The following PACRG variants were observed in gnomAD, a reference collection of about 807,000 sequenced individuals.
The protein encoded by PACRG is parkin coregulated.
A neutral mutation model predicts 29.7 loss-of-function variants in PACRG; 29 were observed. The ratio of observed to expected loss-of-function variants is 0.98; its 90% CI spans 0.73 to 1.33. The LOEUF is 1.33. Ranked by LOEUF, PACRG falls within the 40% of genes most tolerant of loss-of-function variation. The pLI is 0.00. For synonymous variants in PACRG, 116 were observed against 118.7 expected (o/e 0.98, Z 0.15); for missense variants, 279 against 316.2 (o/e 0.88, Z 0.89).
At chr6:162,884,163 A>T (rs1794139218) in intron 2 of PACRG, among the ~76,000 whole-genome samples, 1 of 151,994 alleles carries the variant, frequency 6.6e-6, no homozygotes, top group African/African-American at 2.4e-5. Context: ...TGTCCTTGAA[A>T]TCCTGGGCTC....
intron 2 of PACRG, among the ~76,000 whole-genome samples, chr6:162,877,510 A>G (rs1245689437): frequency 6.6e-6 from 1 of 152,084 alleles, no homozygotes; most frequent in Admixed American, 6.6e-5. Flanking sequence ...GGTGCAGCAA[A>G]CCACCATGAC....
At chr6:162,796,098 T>TAA (rs1322373840) in intron 1 of PACRG, among the ~76,000 whole-genome samples, 15 of 152,168 alleles carry the variant, frequency 9.9e-5, no homozygotes, top group African/African-American at 3.6e-4. Context: ...GTGCCTCCAA[T>TAA]AAGAATATTT....
At chr6:162,740,706 T>C (rs1208274516) in intron 1 of PACRG, among the ~76,000 whole-genome samples, 1 of 151,646 alleles carries the variant, frequency 6.6e-6, no homozygotes, top group East Asian at 1.9e-4. Flanking sequence ...TTCAAGTGAT[T>C]CTCCTGCCTC....
At chr6:163,051,654 G>C (rs532225957) in intron 2 of PACRG, 1 of 152,036 alleles carries the variant, frequency 6.6e-6, no homozygotes, top group Non-Finnish European at 1.5e-5. Flanking sequence ...GGTTGTATGC[G>C]GGAGTCTCGG....
intron 1 of PACRG, 58 bp downstream of exon 1, chr6:162,728,449 C>A: frequency 6.3e-7 from 1 of 1,582,476 alleles, no homozygotes; most frequent in South Asian, 1.1e-5. Context: ...ACGAGATTTA[C>A]AGAGGTTGGC....
intron 1 of PACRG, among the ~76,000 whole-genome samples, chr6:162,804,961 T>G (rs7768133): frequency 0.95 from 143,989 of 152,330 alleles, 68,130 homozygotes; most frequent in East Asian, 1. Flanking sequence ...AGACTATGTG[T>G]TGTAGCCTAT....
At chr6:162,875,103 T>A (rs1793193383) in intron 2 of PACRG, among the ~76,000 whole-genome samples, 1 of 151,958 alleles carries the variant, frequency 6.6e-6, no homozygotes, top group African/African-American at 2.4e-5. Context: ...TCACACACAT[T>A]TGCACACTCA....
chr6:163,279,067 C>A (rs1784145100), intron 4 of PACRG, among the ~76,000 whole-genome samples: 2 of 152,064 alleles, frequency 1.3e-5, no homozygotes, highest in Admixed American at 1.3e-4. Flanking sequence ...TAGGTGTATT[C>A]CTAAGTATTT....
rs184289691 is a variant in PACRG at position 163,114,019 on chromosome 6, G to A, written c.613+24611G>A. Reference sequence around the variant, plus strand: ...GATCCCAACACTTTGGGAGGCCGAGGTGGGCAGATTATTTGAGGCCAGGAG... The same window carrying A: ...GATCCCAACACTTTGGGAGGCCGAGATGGGCAGATTATTTGAGGCCAGGAG... On this transcript the variant is annotated intron_variant, in intron 4 of 4. Transcript: ENST00000366888. Among the ~76,000 whole-genome samples the A allele has an allele frequency of 2.4e-3, 360 of 152,314 alleles. 2 individuals carry two copies. Among genetic ancestry groups the A allele is most frequent in the Non-Finnish European group, 4.0e-3 (275 of 68,032 alleles).
chr6:162,852,005 G>A (rs74860408), intron 2 of PACRG, among the ~76,000 whole-genome samples: 29,061 of 115,214 alleles, frequency 0.25, 3,741 homozygotes, highest in Middle Eastern at 0.38. Context: ...GGGAGGGAGG[G>A]AGGAAGGAAG....
rs1036499993 is a variant in PACRG, at chr6:163,178,356, G to A, written c.613+88948G>A. On this transcript the variant is annotated intron_variant, in intron 4 of 4. Transcript: ENST00000366888. ...TATGGTCAGAGGGACAAGGGGAAGT[G>A]CTGCGTAGACTCCAACTGGCAGGGG... is the stretch of plus-strand genomic sequence containing the variant. Among the ~76,000 whole-genome samples, 11 of 152,202 alleles carry A rather than the reference G, an allele frequency of 7.2e-5. No homozygotes were observed. The South Asian group carries it at 1.4e-3, about 20-fold the overall frequency.
chr6:162,934,444 A>G (rs1055642095), intron 2 of PACRG, among the ~76,000 whole-genome samples: 4 of 152,142 alleles, frequency 2.6e-5, no homozygotes, highest in African/African-American at 9.7e-5. Context: ...TATCCAAACT[A>G]TAGCACCAGC....
chr6:162,888,542 T>C (rs1486346718), intron 2 of PACRG, among the ~76,000 whole-genome samples: 1 of 152,136 alleles, frequency 6.6e-6, no homozygotes, highest in Non-Finnish European at 1.5e-5. Flanking sequence ...GGACTCTCTC[T>C]CCCTGGGTTT....
intron 4 of PACRG, among the ~76,000 whole-genome samples, chr6:163,231,660 C>T (rs1782050259): frequency 6.6e-6 from 1 of 152,186 alleles, no homozygotes; most frequent in South Asian, 2.1e-4. Context: ...GACTGCATGC[C>T]TTCCCCAGGA....
intron 1 of PACRG, among the ~76,000 whole-genome samples, chr6:162,733,829 A>G (rs1779960519): frequency 6.6e-6 from 1 of 151,764 alleles, no homozygotes; most frequent in Non-Finnish European, 1.5e-5. Flanking sequence ...CTTCCTGACC[A>G]CTCTATTTTA....
chr6:162,983,156 A>G (rs779156705), intron 2 of PACRG, among the ~76,000 whole-genome samples: 2 of 151,982 alleles, frequency 1.3e-5, no homozygotes, highest in African/African-American at 2.4e-5. Flanking sequence ...TTTGCATGGA[A>G]TATCATTTTG....
intron 4 of PACRG, among the ~76,000 whole-genome samples, chr6:163,291,376 G>C (rs1784602721): frequency 6.7e-6 from 1 of 148,188 alleles, no homozygotes; most frequent in African/African-American, 2.5e-5. Context: ...GCCAGAGCTG[G>C]CCTGCGGGTC....
intron 1 of PACRG, among the ~76,000 whole-genome samples, chr6:162,808,056 G>C (rs904597030): frequency 6.6e-6 from 1 of 152,016 alleles, no homozygotes; most frequent in Non-Finnish European, 1.5e-5. Context: ...TTTTCTTATT[G>C]TAATAATTTT....
chr6:163,144,837 C>T (rs968070433), intron 4 of PACRG, among the ~76,000 whole-genome samples: 2 of 152,106 alleles, frequency 1.3e-5, no homozygotes, highest in African/African-American at 4.8e-5. Flanking sequence ...TGGTGAGCTC[C>T]AGGCAGTAAC....
Sources: allele counts gnomAD v4.1 joint callset (sites outside exome capture counted in the v4.1 genomes callset), GRCh38; gene constraint gnomAD v4.1.1; transcripts MANE v1.5; gene names NCBI Gene and HGNC (gene_info 2026-07-23, HGNC 2026-07-21).